UPRT: variants seen among roughly 807,000 people sequenced by gnomAD.
The protein encoded by UPRT is uracil phosphoribosyltransferase homolog.
A neutral mutation model predicts 22.6 loss-of-function variants in UPRT; 5 were observed. That is an observed-to-expected ratio of 0.22 (90% CI 0.12 to 0.47). The LOEUF is 0.47. Among genes scored for constraint, UPRT ranks in the 20% least tolerant of loss-of-function variants. The pLI is 0.99. For synonymous variants in UPRT, 77 were observed against 87.7 expected (o/e 0.88, Z 0.68); for missense variants, 181 against 239.9 (o/e 0.75, Z 1.62).
At chrX:75,261,021 T>C (rs967339599) in intron 4 of UPRT, among the ~76,000 whole-genome samples, 5 of 111,545 alleles carry the variant, frequency 4.5e-5, no homozygotes, top group Admixed American at 3.8e-4. Context: ...AATAACGAAA[T>C]GAAAGCAGAA....
intron 2 of UPRT, among the ~76,000 whole-genome samples, chrX:75,161,931 C>T (rs909926704): frequency 9.0e-6 from 1 of 111,198 alleles, no homozygotes; most frequent in Non-Finnish European, 1.9e-5. Flanking sequence ...AGTGACCCAG[C>T]TTTATCTCGA....
intron 4 of UPRT, among the ~76,000 whole-genome samples, chrX:75,250,631 T>C (rs1485548641): frequency 9.0e-6 from 1 of 110,722 alleles, no homozygotes; most frequent in Non-Finnish European, 1.9e-5. Flanking sequence ...CTACCAGAGG[T>C]ACAAGGAGGA....
intron 4 of UPRT, among the ~76,000 whole-genome samples, chrX:75,238,761 G>T (rs1353351319): frequency 9.0e-6 from 1 of 111,709 alleles, no homozygotes; most frequent in African/African-American, 3.2e-5. Context: ...ATTATATCAA[G>T]TACTCTTGCA....
upstream of UPRT, among the ~76,000 whole-genome samples, chrX:75,272,354 ATATG>A (rs1485251652): frequency 1.2e-4 from 11 of 93,263 alleles, no homozygotes; most frequent in Admixed American, 3.6e-4. Context: ...ACACATATAT[ATATG>A]TGTATATATA....
At chrX:75,237,841 T>G (rs2082473846) in intron 4 of UPRT, among the ~76,000 whole-genome samples, 1 of 105,780 alleles carries the variant, frequency 9.5e-6, no homozygotes, top group South Asian at 4.7e-4. Context: ...GAGATATACC[T>G]AATGCTAGAT....
chrX:75,176,886 G>A (rs2082248508), intron 4 of UPRT, among the ~76,000 whole-genome samples: 1 of 111,084 alleles, frequency 9.0e-6, no homozygotes, highest in African/African-American at 3.3e-5. Flanking sequence ...CTTCTCTCAG[G>A]TGGCCATTTT....
At chrX:75,274,881 G>C in intron 1 of UPRT, 1 of 378,468 alleles carries the variant, frequency 2.6e-6, no homozygotes, top group South Asian at 6.6e-5. Context: ...TTTGGGTGGG[G>C]AGGAAGACTT....
chrX:75,226,813 C>T (rs1002742645), intron 4 of UPRT, among the ~76,000 whole-genome samples: 3 of 110,290 alleles, frequency 2.7e-5, no homozygotes, highest in Non-Finnish European at 5.7e-5. Context: ...TTGACTGTAA[C>T]GTCCATGAGG....
intron 4 of UPRT, among the ~76,000 whole-genome samples, chrX:75,256,983 G>A (rs1337105310): frequency 8.9e-6 from 1 of 111,793 alleles, no homozygotes; most frequent in Non-Finnish European, 1.9e-5. Flanking sequence ...TATTCCACAA[G>A]ATAGAGAAAG....
chrX:75,287,670 T>TG (rs1379797491), intron 1 of UPRT, among the ~76,000 whole-genome samples: 2 of 111,423 alleles, frequency 1.8e-5, no homozygotes, highest in Non-Finnish European at 3.8e-5. Context: ...ATCTCTGAGA[T>TG]GCAGCAAAAG....
chrX:75,274,744 A>G, intron 1 of UPRT, 104 bp downstream of exon 1: 4 of 947,420 alleles, frequency 4.2e-6, no homozygotes, highest in Non-Finnish European at 5.7e-6. Flanking sequence ...GCCTTGGCAA[A>G]CTTTGGAGAT....
chrX:75,253,314 C>T (rs946027404), intron 4 of UPRT, among the ~76,000 whole-genome samples: 3 of 111,957 alleles, frequency 2.7e-5, no homozygotes, highest in African/African-American at 9.7e-5. Flanking sequence ...AAAAAATATT[C>T]AACATCACTG....
At chrX:75,175,727 A>G (rs1452444435) in intron 4 of UPRT, among the ~76,000 whole-genome samples, 2 of 111,505 alleles carry the variant, frequency 1.8e-5, no homozygotes, top group African/African-American at 3.3e-5. Flanking sequence ...TCATTGGACA[A>G]TCTTTTTTAA....
intron 1 of UPRT, among the ~76,000 whole-genome samples, chrX:75,282,001 T>C (rs2082659413): frequency 9.0e-6 from 1 of 111,031 alleles, no homozygotes; most frequent in Non-Finnish European, 1.9e-5. Flanking sequence ...AGGAGGGTTG[T>C]ATTTTTTTCA....
chrX:75,243,534 T>C (rs2082494820), intron 4 of UPRT, among the ~76,000 whole-genome samples: 1 of 111,857 alleles, frequency 8.9e-6, no homozygotes, highest in African/African-American at 3.2e-5. Flanking sequence ...TTTTGTAAAT[T>C]ATAAAACACC....
intron 2 of UPRT, 85 bp from the exon 3 acceptor site, chrX:75,296,257 T>G: frequency 1.0e-6 from 1 of 959,298 alleles, no homozygotes; most frequent in Non-Finnish European, 1.5e-6. Flanking sequence ...TGTTCATGAC[T>G]CTGCCTACTG....
intron 1 of UPRT, among the ~76,000 whole-genome samples, chrX:75,286,303 A>G (rs1373784143): frequency 5.8e-5 from 2 of 34,505 alleles, no homozygotes; most frequent in Non-Finnish European, 9.1e-5. Flanking sequence ...ATACAAATTT[A>G]CTTGGGGGGG....
intron 1 of UPRT, among the ~76,000 whole-genome samples, chrX:75,275,473 C>G (rs929836785): frequency 6.3e-5 from 7 of 111,351 alleles, no homozygotes; most frequent in African/African-American, 2.3e-4. Context: ...ATGCCTTGAT[C>G]TTTTAAAAAT....
chrX:75,216,678 A>C (rs964052959), intron 4 of UPRT, among the ~76,000 whole-genome samples: 2 of 112,792 alleles, frequency 1.8e-5, no homozygotes, highest in Middle Eastern at 4.6e-3. Context: ...ACATTTTGGC[A>C]CATTCTGTTT....
Sources: gnomAD v4.1 joint callset for allele counts (sites outside exome capture counted in the v4.1 genomes callset) on GRCh38, gnomAD v4.1.1 for gene constraint, MANE v1.5 for transcripts, NCBI Gene and HGNC (gene_info 2026-07-23, HGNC 2026-07-21) for gene names.